LRP2: variants seen among roughly 807,000 people sequenced by gnomAD.
LRP2 encodes LDL receptor related protein 2.
Under a neutral mutation model 531.0 loss-of-function variants are expected in LRP2, and 172 were observed. The ratio of observed to expected loss-of-function variants is 0.32; its 90% confidence interval spans 0.29 to 0.37. The LOEUF (loss-of-function observed/expected upper bound fraction) is 0.37. Among genes scored for constraint, LRP2 ranks in the 10% least tolerant of loss-of-function variants. The pLI is 1.00. For synonymous variants in LRP2, 1,992 were observed against 2,027.6 expected (o/e 0.98, Z 0.47); for missense variants, 5,167 against 5,868.3 (o/e 0.88, Z 3.90).
At chr2:169,351,554 T>C (rs530376189) in intron 1 of LRP2, among the ~76,000 whole-genome samples, 3 of 152,356 alleles carry the variant, frequency 2.0e-5, no homozygotes, top group Admixed American at 2.0e-4. Flanking sequence ...GGTTGAGTTA[T>C]AGAAGTTTAT....
intron 1 of LRP2, among the ~76,000 whole-genome samples, chr2:169,357,248 C>T (rs1391780138): frequency 2.0e-5 from 3 of 149,620 alleles, no homozygotes; most frequent in African/African-American, 7.4e-5. Flanking sequence ...CTTTCATAAG[C>T]ACCTTCTACT....
In LRP2 at chr2:169,196,761, G is replaced by A. The variant is rs957785611; in HGVS notation, c.8698+150C>T. The stretch of plus-strand genomic sequence containing the variant: ...CACTAACAGGTCTTAATGAATATCC[G>A]CTGAGCGGTGTCAGCATTCCAGATG... On this transcript the variant is annotated intron_variant, in intron 46 of 78. Transcript: ENST00000649046. The A allele has an allele frequency of 1.9e-5, 20 of 1,055,980 alleles. No individual in the cohort carries two copies. The East Asian group carries it at 2.7e-4, about 14-fold the overall frequency. 65.4% of individuals were successfully genotyped at this position (1,055,980 alleles called of 1,614,324 possible).
rs142749017 is a variant in LRP2, at chr2:169,355,767, C to T, written c.79+6554G>A. ...CGGAAAAAAGACAAGATTGGCCTGACATAGTTTGAGCCTCCATTTTATATT... is the reference window on the plus strand; with the variant it reads ...CGGAAAAAAGACAAGATTGGCCTGATATAGTTTGAGCCTCCATTTTATATT... On this transcript the variant is annotated intron_variant, in intron 1 of 78. Coordinates refer to ENST00000649046, the MANE Select transcript of LRP2 (RefSeq NM_004525.3). Among the ~76,000 whole-genome samples the T allele has an allele frequency of 7.6e-3, 1,156 of 152,284 alleles. 7 individuals carry two copies. Among genetic ancestry groups the T allele is most frequent in the Middle Eastern group, 0.027 (8 of 294 alleles).
chr2:169,245,318 T>C (rs1458491727), intron 21 of LRP2, among the ~76,000 whole-genome samples: 3 of 152,224 alleles, frequency 2.0e-5, no homozygotes, highest in Non-Finnish European at 4.4e-5. Flanking sequence ...ACTTTCAAGC[T>C]GTTACTTCCT....
At chr2:169,318,700 T>C (rs1684832104) in intron 3 of LRP2, 62 bp downstream of exon 3, 1 of 1,612,054 alleles carries the variant, frequency 6.2e-7, no homozygotes, top group Admixed American at 1.7e-5. Flanking sequence ...GTAACTTCTT[T>C]GCGACAGGTT....
intron 67 of LRP2, 133 bp downstream of exon 67, chr2:169,152,666 C>A (rs1050745043): frequency 2.0e-6 from 2 of 982,230 alleles, no homozygotes; most frequent in African/African-American, 1.6e-5. Context: ...GCAAGCCCAA[C>A]CACTGCCCAG....
intron 48 of LRP2, among the ~76,000 whole-genome samples, chr2:169,188,660 G>T (rs1476916060): frequency 1.3e-5 from 2 of 152,134 alleles, no homozygotes; most frequent in Non-Finnish European, 2.9e-5. Context: ...CTATGAGACA[G>T]CTTATGAACA....
rs202034776 is a variant in LRP2 at position 169,176,396 on chromosome 2, G to C, written c.10571+15C>G. On this transcript the variant is annotated intron_variant, in intron 54 of 78. Transcript: ENST00000649046. The stretch of plus-strand genomic sequence containing the variant: ...GGCTAGAGAGGCACTGAGGAGAGGG[G>C]AAAGAGAGCCTTACTTTTCATTGTT... 1.9e-6 allele frequency: 3 copies of C among 1,614,048 alleles called. No individual in the cohort carries two copies. The highest frequency in any genetic ancestry group is 2.5e-6 in the Non-Finnish European group (3 of 1,179,994).
rs138682237 is a variant in LRP2 at position 169,318,774 on chromosome 2, G to T, written c.298C>A (p.Arg100Ser). ...TCCAAACACTTACAGCAATCTTGAC[G>T]TTCATCTGAGCCATCATCACAGTCT... ...DQDCDDGSDE[R>S]QDCSQSTCSS... Residue 100 changes from arginine to serine, a missense_variant, in exon 3 of 79, where the codon CGT becomes AGT. Arg to Ser is a moderately radical substitution (Grantham distance 110). Coordinates refer to ENST00000649046, the MANE Select transcript of LRP2 (RefSeq NM_004525.3). 19 of 1,613,974 alleles carry T rather than the reference G, an allele frequency of 1.2e-5. No homozygotes were observed. In the African/African-American group the frequency reaches 2.4e-4, roughly 20 times the overall value.
intron 33 of LRP2, among the ~76,000 whole-genome samples, chr2:169,223,996 AAC>A (rs1484363492): frequency 6.6e-6 from 1 of 152,176 alleles, no homozygotes; most frequent in Non-Finnish European, 1.5e-5. Flanking sequence ...CAGAAATAAA[AAC>A]AGTCATCTGC....
intron 4 of LRP2, among the ~76,000 whole-genome samples, chr2:169,302,650 A>G (rs902599262): frequency 6.6e-6 from 1 of 152,160 alleles, no homozygotes; most frequent in African/African-American, 2.4e-5. Context: ...CTAATTGCCA[A>G]GAAATACAGA....
intron 16 of LRP2, among the ~76,000 whole-genome samples, chr2:169,264,591 T>C (rs1248600610): frequency 6.6e-6 from 1 of 151,996 alleles, no homozygotes; most frequent in African/African-American, 2.4e-5. Flanking sequence ...AGCAGATGAG[T>C]AATTCCAACA....
chr2:169,137,515 G>A (rs1685557615), intron 75 of LRP2, 22 bp from the exon 76 acceptor site: 3 of 1,101,138 alleles, frequency 2.7e-6, no homozygotes, highest in Non-Finnish European at 4.0e-6. Context: ...GACAGAAAGA[G>A]AGAGAGAGAG....
Position 169,205,955 on chromosome 2 carries a change from A to G in LRP2, c.7556+68T>C, listed in dbSNP as rs531951025. ...CATAACACATTGGCTATCTATGAAC[A>G]TAATTTCAGGCCCCATTTTTTCCAG... On this transcript the variant is annotated intron_variant, in intron 40 of 78. Transcript: ENST00000649046. The G allele has an allele frequency of 5.4e-4, 860 of 1,588,930 alleles. 1 individual carries two copies. The highest frequency in any genetic ancestry group is 6.4e-4 in the Non-Finnish European group (737 of 1,157,216).
intron 1 of LRP2, among the ~76,000 whole-genome samples, chr2:169,344,118 T>C (rs1685636214): frequency 1.3e-5 from 2 of 152,176 alleles, no homozygotes. Flanking sequence ...CATATTTCTT[T>C]CTTTTTTTAT....
rs1282383189 is a variant in LRP2 at position 169,317,893 on chromosome 2, G to A, written c.310+869C>T. Among the ~76,000 whole-genome samples, 4 of 152,054 alleles carry A rather than the reference G, an allele frequency of 2.6e-5. No individual in the cohort carries two copies. In the East Asian group the frequency reaches 5.8e-4, roughly 22 times the overall value. ...AGGATTCCAGACCAGCCTGGGAAAC[G>A]TAACAAGATCGTGTCTCTACAAAAA... On this transcript the variant is annotated intron_variant, in intron 3 of 78. Coordinates refer to ENST00000649046, the MANE Select transcript of LRP2 (RefSeq NM_004525.3).
chr2:169,173,898 G>T, intron 56 of LRP2, 21 bp downstream of exon 56: 1 of 1,613,732 alleles, frequency 6.2e-7, no homozygotes, highest in East Asian at 2.2e-5. Context: ...GTCATGCCTT[G>T]GTCCTCCCAC....
At chr2:169,340,686 T>G (rs1574273515) in intron 1 of LRP2, among the ~76,000 whole-genome samples, 2 of 152,280 alleles carry the variant, frequency 1.3e-5, no homozygotes, top group East Asian at 3.9e-4. Context: ...GTGGAGCCTG[T>G]GTCTCTAATG....
intron 46 of LRP2, among the ~76,000 whole-genome samples, chr2:169,194,837 G>C (rs1357725380): frequency 6.7e-6 from 1 of 149,524 alleles, no homozygotes; most frequent in Non-Finnish European, 1.5e-5. Flanking sequence ...TCTCCTGCCT[G>C]AGTAGCTGGG....
Sources: gnomAD v4.1 joint callset for allele counts (sites outside exome capture counted in the v4.1 genomes callset) on GRCh38, gnomAD v4.1.1 for gene constraint, MANE v1.5 for transcripts, NCBI Gene and HGNC (gene_info 2026-07-23, HGNC 2026-07-21) for gene names.